Variants in PHF19 observed in about 807,000 individuals in gnomAD.
PHF19 encodes polycomb like 3.
PHF19 carries 21 observed loss-of-function variants against 79.8 expected under a neutral mutation model. That is an observed-to-expected ratio of 0.26 (90% CI 0.19 to 0.38). The LOEUF (loss-of-function observed/expected upper bound fraction) is 0.38, where lower values mean the gene tolerates loss of function less well. Among genes scored for constraint, PHF19 ranks in the 10% least tolerant of loss-of-function variants. The pLI, the probability that PHF19 is intolerant of heterozygous loss-of-function variation, is 1.00. For missense variants in PHF19, 445 were observed against 744.2 expected, an observed-to-expected ratio of 0.60 and a Z score of 4.68; for synonymous variants, 273 against 296.3, an observed-to-expected ratio of 0.92 and a Z score of 0.81.
intron 10 of PHF19, among the ~76,000 whole-genome samples, chr9:120,863,411 C>G (rs182541621): frequency 1.7e-3 from 258 of 152,088 alleles, no homozygotes; most frequent in African/African-American, 5.9e-3. Flanking sequence ...CGACATAGAA[C>G]AGCAACTCAA....
chr9:120,889,737 C>A (rs994064075), intron 1 of PHF19, among the ~76,000 whole-genome samples: 3 of 145,450 alleles, frequency 2.1e-5, no homozygotes, highest in African/African-American at 5.1e-5. Context: ...AGAGCAAGAC[C>A]CTGTCTTGAA....
chr9:120,872,047 A>G (rs12378226), intron 3 of PHF19, among the ~76,000 whole-genome samples: 499 of 128,088 alleles, frequency 3.9e-3, no homozygotes, highest in Non-Finnish European at 5.4e-3. Flanking sequence ...CAAAAAAAAA[A>G]AAAAAAAAAA....
intron 3 of PHF19, among the ~76,000 whole-genome samples, chr9:120,873,455 C>T (rs548542369): frequency 6.6e-6 from 1 of 152,348 alleles, no homozygotes; most frequent in East Asian, 1.9e-4. Context: ...CAGGCATGTC[C>T]ATCTTCACCC....
At chr9:120,879,735 A>G (rs930179954), upstream of PHF19, among the ~76,000 whole-genome samples, 1 of 152,192 alleles carries the variant, frequency 6.6e-6, no homozygotes, top group African/African-American at 2.4e-5. Flanking sequence ...TTCCCGGAAA[A>G]AGTAGCAATC....
At chr9:120,859,920 C>G (rs1338929080) in intron 14 of PHF19, among the ~76,000 whole-genome samples, 170 bp downstream of exon 14, 1 of 152,206 alleles carries the variant, frequency 6.6e-6, no homozygotes, top group African/African-American at 2.4e-5. Context: ...CCCCGTGACT[C>G]AGAACCAGAG....
In PHF19 at chr9:120,874,486, G is replaced by C. The variant is rs1250227837; in HGVS notation, c.186+70C>G. 9.3e-7 allele frequency: 1 copy of C among 1,069,818 alleles called. No homozygotes were observed. The highest frequency in any genetic ancestry group is 1.4e-6 in the Non-Finnish European group (1 of 709,098). 66.3% of individuals were successfully genotyped at this position (1,069,818 alleles called of 1,614,324 possible). On this transcript the variant is annotated intron_variant, in intron 2 of 14. Transcript: ENST00000373896. This position sits in a 1 kb window ranked among gnomAD's most constrained non-coding sequence, Gnocchi z 4.5. The stretch of plus-strand genomic sequence containing the variant: ...CAGCAATCCCCCTGCCCCCTGGTCT[G>C]ACAGCCAGGCTGGAACATGAGCAGA...
In PHF19 at chr9:120,858,035, C is replaced by G. The variant is rs777356212; in HGVS notation, c.1652G>C (p.Cys551Ser). ...AGCCAACACCTGGTACTTCTCCCCACAGGCCAACCGCCCAGCTGCACCAAA... is the reference window on the plus strand; with the variant it reads ...AGCCAACACCTGGTACTTCTCCCCAGAGGCCAACCGCCCAGCTGCACCAAA... ...NYFGAAGRLA[C>S]GEKYQVLARR... Residue 551 changes from cysteine to serine, a missense_variant, in exon 15 of 15, where the codon TGT becomes TCT. By Grantham distance (112) the Cys-to-Ser change is moderately radical. Coordinates refer to ENST00000373896, the MANE Select transcript of PHF19 (RefSeq NM_015651.3). 6.2e-7 allele frequency: 1 copy of G among 1,614,218 alleles called. No individual in the cohort carries two copies. Among genetic ancestry groups the G allele is most frequent in the Admixed American group, 1.7e-5 (1 of 60,028 alleles).
chr9:120,884,785 G>T (rs1329920739), intron 1 of PHF19, among the ~76,000 whole-genome samples: 2 of 151,288 alleles, frequency 1.3e-5, no homozygotes. Flanking sequence ...GCTGGATGTG[G>T]TGGTACACGC....
rs2045491545 is a variant in PHF19, at chr9:120,860,536, T to C, written c.1305-351A>G. On this transcript the variant is annotated intron_variant, in intron 13 of 14. Coordinates refer to ENST00000373896, the MANE Select transcript of PHF19 (RefSeq NM_015651.3). The surrounding 1 kb of genome is among the most constrained non-coding windows in gnomAD (Gnocchi z 4.1). ...GAGGAGGTTCAGAGAGGTTAAGGGA[T>C]TTAGGTAAAACTACATAGCTAGTAC... is the stretch of plus-strand genomic sequence containing the variant. 5.4e-5 allele frequency: 17 copies of C among 314,772 alleles called. No individual in the cohort carries two copies. Among genetic ancestry groups the C allele is most frequent in the South Asian group, 4.6e-4 (15 of 32,804 alleles). The allele number at this position is 314,772 out of a possible 1,614,324, so 19.5% of individuals were successfully genotyped here.
chr9:120,860,872 G>T lies in PHF19; in HGVS notation c.1304+217C>A. ...ATGAGCAAGCATCAAACAGCATGGT[G>T]AGTGTGGATAACCATGGGGCAAGGT... On this transcript the variant is annotated intron_variant, in intron 13 of 14. Coordinates refer to ENST00000373896, the MANE Select transcript of PHF19 (RefSeq NM_015651.3). This position sits in a 1 kb window ranked among gnomAD's most constrained non-coding sequence, Gnocchi z 4.1. 1 of 526,968 alleles carries T rather than the reference G, an allele frequency of 1.9e-6. No homozygotes were observed. The highest frequency in any genetic ancestry group is 2.1e-5 in the South Asian group (1 of 48,500). The allele number at this position is 526,968 out of a possible 1,614,324, so 32.6% of individuals were successfully genotyped here.
At chr9:120,877,468 C>T (rs1004031702), upstream of PHF19, 70 of 572,336 alleles carry the variant, frequency 1.2e-4, no homozygotes, top group African/African-American at 1.4e-3. Flanking sequence ...GGGCGCGCAT[C>T]CTCCGCGGCC....
rs768645398 is a variant in PHF19 at position 120,861,048 on chromosome 9, G to A, written c.1304+41C>T. 5.3e-6 allele frequency: 6 copies of A among 1,139,836 alleles called. No homozygotes were observed. The East Asian group carries it at 1.4e-4, about 27-fold the overall frequency. The allele number at this position is 1,139,836 out of a possible 1,614,324, so 70.6% of individuals were successfully genotyped here. A position where few individuals can be genotyped will look rare whatever the true frequency, so the allele number is the denominator to read the frequency against. On this transcript the variant is annotated intron_variant, in intron 13 of 14. Coordinates refer to ENST00000373896, the MANE Select transcript of PHF19 (RefSeq NM_015651.3). ...TGGCTTTCTGCTTGGTTCCCTCCCTGTCTCCAGAGCAGACCTCTGTGCTAG... is the reference window on the plus strand; with the variant it reads ...TGGCTTTCTGCTTGGTTCCCTCCCTATCTCCAGAGCAGACCTCTGTGCTAG...
intron 14 of PHF19, among the ~76,000 whole-genome samples, chr9:120,858,492 T>A (rs2045412485): frequency 6.6e-6 from 1 of 152,176 alleles, no homozygotes. Flanking sequence ...ATAGATTATC[T>A]CACCAGATCC....
chr9:120,899,839 A>G (rs1162694465), upstream of PHF19, among the ~76,000 whole-genome samples: 1 of 152,210 alleles, frequency 6.6e-6, no homozygotes, highest in African/African-American at 2.4e-5. Flanking sequence ...CAGTTCCCCC[A>G]GGGTGAGTCC....
Position 120,862,078 on chromosome 9 carries a change from C to T in PHF19, c.1131-73G>A. ...CCCTAGGGTGGCCCAGAGGGAGGCGCCGCAGGGGCGGGGGTCACAGCAGTT... is the reference window on the plus strand; with the variant it reads ...CCCTAGGGTGGCCCAGAGGGAGGCGTCGCAGGGGCGGGGGTCACAGCAGTT... On this transcript the variant is annotated intron_variant, in intron 11 of 14. Coordinates refer to ENST00000373896, the MANE Select transcript of PHF19 (RefSeq NM_015651.3). The surrounding 1 kb of genome is among the most constrained non-coding windows in gnomAD (Gnocchi z 4.6). 9.3e-7 allele frequency: 1 copy of T among 1,079,566 alleles called. No homozygotes were observed. The highest frequency in any genetic ancestry group is 1.7e-5 in the Admixed American group (1 of 59,254). The allele number at this position is 1,079,566 out of a possible 1,614,324, so 66.9% of individuals were successfully genotyped here.
At chr9:120,877,949 C>T (rs1286164825), upstream of PHF19, among the ~76,000 whole-genome samples, 1 of 152,162 alleles carries the variant, frequency 6.6e-6, no homozygotes, top group Non-Finnish European at 1.5e-5. Flanking sequence ...GGACATAACA[C>T]ATAAAGTCAC....
At chr9:120,858,858 C>CAT (rs3047154) in intron 14 of PHF19, among the ~76,000 whole-genome samples, 3 of 150,292 alleles carry the variant, frequency 2.0e-5, no homozygotes, top group Non-Finnish European at 4.4e-5. Context: ...CACACACACA[C>CAT]GGGTGTTAGA....
intron 9 of PHF19, among the ~76,000 whole-genome samples, 160 bp downstream of exon 9, chr9:120,865,550 G>C (rs948691940): frequency 6.6e-6 from 1 of 152,206 alleles, no homozygotes; most frequent in Non-Finnish European, 1.5e-5. Flanking sequence ...CAAAATCTGG[G>C]ATTAGGAAGG....
rs1002718881 is a variant in PHF19, at chr9:120,891,507, G to A, written c.42+3281C>T. On this transcript the variant is annotated intron_variant, in intron 1 of 14. Coordinates refer to the PHF19 transcript ENST00000616568. This position sits in a 1 kb window ranked among gnomAD's most constrained non-coding sequence, Gnocchi z 4.3. ...GCCTAGGCATGGGGTGAAGAGTGTG[G>A]GTTGAAAAGCTCCCCGGGTGGTTCA... Among the ~76,000 whole-genome samples the A allele has an allele frequency of 6.6e-6, 1 of 152,094 alleles. No homozygotes were observed. The highest frequency in any genetic ancestry group is 1.5e-5 in the Non-Finnish European group (1 of 68,020).
Sources: allele counts gnomAD v4.1 joint callset (sites outside exome capture counted in the v4.1 genomes callset), GRCh38; gene constraint gnomAD v4.1.1; non-coding constraint Gnocchi (gnomAD v3.1); transcripts MANE v1.5; gene names NCBI Gene and HGNC (gene_info 2026-07-23, HGNC 2026-07-21).